Variants in VPS35L observed in about 807,000 individuals in gnomAD.
VPS35L encodes the protein VPS35 endosomal protein sorting factor like.
In VPS35L, 83 loss-of-function variants were observed where a neutral mutation model predicts 133.0. The ratio of observed to expected loss-of-function variants is 0.62; its 90% CI spans 0.52 to 0.75. The LOEUF is 0.75. VPS35L is among the 30% of genes least tolerant of loss of function. The pLI, the probability that VPS35L is intolerant of heterozygous loss-of-function variation, is 0.00. For synonymous variants in VPS35L, 423 were observed against 449.9 expected (o/e 0.94, Z 0.76); for missense variants, 1,083 against 1,206.8 (o/e 0.90, Z 1.52).
chr16:19,694,493 T>C (rs903359162), intron 29 of VPS35L: 1 of 152,004 alleles, frequency 6.6e-6, no homozygotes, highest in Non-Finnish European at 1.5e-5. Flanking sequence ...CTTTTCTTTT[T>C]TTTTTTTTCT....
At chr16:19,650,071 T>C (rs1974076652) in intron 24 of VPS35L, among the ~76,000 whole-genome samples, 2 of 152,194 alleles carry the variant, frequency 1.3e-5, no homozygotes, top group South Asian at 4.1e-4. Flanking sequence ...GTAGGATTTC[T>C]GGAAATGGAG....
At chr16:19,621,831 A>G (rs149629825) in intron 14 of VPS35L, among the ~76,000 whole-genome samples, 1 of 152,168 alleles carries the variant, frequency 6.6e-6, no homozygotes, top group Non-Finnish European at 1.5e-5. Flanking sequence ...TTTTTAGTGC[A>G]TTCATCTTTT....
At chr16:19,601,414 A>C (rs1972379495) in intron 8 of VPS35L, among the ~76,000 whole-genome samples, 1 of 148,894 alleles carries the variant, frequency 6.7e-6, no homozygotes, top group Non-Finnish European at 1.5e-5. Flanking sequence ...GATACTTGAG[A>C]CTCCTTTAGA....
intron 29 of VPS35L, among the ~76,000 whole-genome samples, chr16:19,693,294 G>GA (rs1975766744): frequency 6.6e-6 from 1 of 152,032 alleles, no homozygotes; most frequent in African/African-American, 2.4e-5. Flanking sequence ...TTGCGGGGGG[G>GA]CAGGGGAGGG....
intron 8 of VPS35L, among the ~76,000 whole-genome samples, chr16:19,592,685 T>TA (rs1038079399): frequency 6.6e-6 from 1 of 151,390 alleles, no homozygotes; most frequent in African/African-American, 2.4e-5. Context: ...TCTTCACTGT[T>TA]AAAATTTTTT....
intron 9 of VPS35L, 36 bp from the exon 10 acceptor site, chr16:19,608,142 T>C: frequency 6.6e-7 from 1 of 1,505,524 alleles, no homozygotes; most frequent in Non-Finnish European, 9.2e-7. Context: ...TCCTGAGATT[T>C]AGGAGGGCTG....
chr16:19,611,287 A>C (rs898347236), intron 12 of VPS35L, among the ~76,000 whole-genome samples: 1 of 152,192 alleles, frequency 6.6e-6, no homozygotes, highest in Non-Finnish European at 1.5e-5. Flanking sequence ...GGCGTGAGCC[A>C]CTGCGCCCGG....
At chr16:19,696,036 GCCACCACACCTAGCTAATTTT>G (rs1975897439) in intron 29 of VPS35L, among the ~76,000 whole-genome samples, 1 of 152,018 alleles carries the variant, frequency 6.6e-6, no homozygotes, top group South Asian at 2.1e-4. Context: ...ACAGGCGCGT[GCCACCACACCTAGCTAATTTT>G]TTGTATTTCT....
At chr16:19,582,096 T>G in intron 7 of VPS35L, 1 of 155,694 alleles carries the variant, frequency 6.4e-6, no homozygotes, top group South Asian at 2.0e-4. Flanking sequence ...TTATGCATGC[T>G]TATGTGACAA....
chr16:19,583,541 ATCT>A (rs1463177919), intron 7 of VPS35L, among the ~76,000 whole-genome samples: 3 of 152,052 alleles, frequency 2.0e-5, no homozygotes, highest in Non-Finnish European at 2.9e-5. Context: ...AACATTCAAA[ATCT>A]TCTCCTCTAG....
intron 13 of VPS35L, among the ~76,000 whole-genome samples, chr16:19,616,476 C>T (rs540209619): frequency 4.9e-4 from 74 of 151,880 alleles, no homozygotes; most frequent in Admixed American, 1.4e-3. Context: ...CTTTCCACAG[C>T]GCTCATTCCC....
Position 19,601,677 on chromosome 16 carries a change from C to G in VPS35L, c.738C>G (p.Tyr246Ter), listed in dbSNP as rs774423993. 1 of 1,613,942 alleles carries G rather than the reference C, an allele frequency of 6.2e-7. No individual in the cohort carries two copies. The highest frequency in any genetic ancestry group is 8.5e-7 in the Non-Finnish European group (1 of 1,180,002). Residue 246 changes from tyrosine to a stop codon, truncating the protein, a stop_gained, in exon 9 of 31, where the codon TAC becomes TAG. Transcript: ENST00000417362. LOFTEE classifies it high-confidence loss of function. Reference sequence around the variant, plus strand: ...TTTTCCTCCCAGGAAAGCTCGTGTACGAGCGCATCTTTTCCATGTGTGTGG... The same window carrying G: ...TTTTCCTCCCAGGAAAGCTCGTGTAGGAGCGCATCTTTTCCATGTGTGTGG... The part of the protein sequence containing the change: ...DILDTFGKLV[Y>*]ERIFSMCVDS...
At chr16:19,561,843 C>G (rs561630959) in intron 1 of VPS35L, among the ~76,000 whole-genome samples, 19 of 152,238 alleles carry the variant, frequency 1.2e-4, no homozygotes, top group African/African-American at 4.1e-4. Flanking sequence ...CAGTGGCTCA[C>G]GTTTCTAATC....
intron 27 of VPS35L, among the ~76,000 whole-genome samples, chr16:19,670,266 G>A (rs905406898): frequency 1.3e-5 from 2 of 152,230 alleles, no homozygotes; most frequent in African/African-American, 2.4e-5. Context: ...GTATGAATTT[G>A]CAGGGGGATA....
chr16:19,590,214 T>A (rs1353515930), intron 7 of VPS35L, among the ~76,000 whole-genome samples: 1 of 141,340 alleles, frequency 7.1e-6, no homozygotes, highest in Non-Finnish European at 1.5e-5. Context: ...TTGTTTACTT[T>A]TAGGCCTGTA....
At chr16:19,586,669 ATT>A (rs1971875234) in intron 7 of VPS35L, among the ~76,000 whole-genome samples, 2 of 151,996 alleles carry the variant, frequency 1.3e-5, no homozygotes, top group African/African-American at 4.8e-5. Flanking sequence ...TCCATTCTCA[ATT>A]TTCTCATTTT....
At chr16:19,663,028 G>C (rs905603507) in intron 26 of VPS35L, among the ~76,000 whole-genome samples, 1 of 151,990 alleles carries the variant, frequency 6.6e-6, no homozygotes, top group Non-Finnish European at 1.5e-5. Context: ...AATAATAATA[G>C]GCCGGGCACA....
chr16:19,584,219 T>G (rs1971793467), intron 7 of VPS35L, among the ~76,000 whole-genome samples: 1 of 152,236 alleles, frequency 6.6e-6, no homozygotes. Context: ...GATGATAACC[T>G]AGTTGTGGGA....
rs1971596200 is a variant in VPS35L at position 19,578,279 on chromosome 16, C to CT, written c.434-767dup. On this transcript the variant is annotated intron_variant, in intron 5 of 30. Transcript: ENST00000417362. Reference sequence around the variant, plus strand: ...CTCGACCCTAAGTCCACATTTCTTTCTTTTTTCTTTTTTTTTTTTTTGAGA... The same window carrying CT: ...CTCGACCCTAAGTCCACATTTCTTTCTTTTTTTCTTTTTTTTTTTTTTGAGA... 9.0e-6 allele frequency: 4 copies of CT among 443,420 alleles called. No individual in the cohort carries two copies. The East Asian group carries it at 2.1e-4, about 23-fold the overall frequency. 27.5% of individuals were successfully genotyped at this position (443,420 alleles called of 1,614,324 possible). A position where few individuals can be genotyped will look rare whatever the true frequency, so the allele number is the denominator to read the frequency against.
Sources: gnomAD v4.1 joint callset for allele counts (sites outside exome capture counted in the v4.1 genomes callset) on GRCh38, gnomAD v4.1.1 for gene constraint, MANE v1.5 for transcripts, NCBI Gene and HGNC (gene_info 2026-07-23, HGNC 2026-07-21) for gene names.